Variants in CABLES1 observed in about 807,000 individuals in gnomAD.
CABLES1 encodes the protein CDK5 and ABL1 enzyme substrate 1.
A neutral mutation model predicts 57.8 loss-of-function variants in CABLES1; 36 were observed. That is an observed-to-expected ratio of 0.62 (90% CI 0.48 to 0.82). The LOEUF (loss-of-function observed/expected upper bound fraction) is 0.82. Among genes scored for constraint, CABLES1 ranks in the 40% least tolerant of loss-of-function variants. The pLI, the probability that CABLES1 is intolerant of heterozygous loss-of-function variation, is 0.00. For synonymous variants in CABLES1, 374 were observed against 363.0 expected, an observed-to-expected ratio of 1.03 and a Z score of -0.35; for missense variants, 767 against 836.6, an observed-to-expected ratio of 0.92 and a Z score of 1.03.
In CABLES1 at chr18:23,156,156, CTCCATGGAGGG is replaced by C. The variant is rs1030782083; in HGVS notation, c.845+19553_845+19563del. On this transcript the variant is annotated intron_variant, in intron 1 of 9. Transcript: ENST00000256925. ...GAGGTCATCTGGAACAGAGGGGGGGCTCCATGGAGGGTCCTCCAGCCCCCAAGACCAGCCTT... is the reference window on the plus strand; with the variant it reads ...GAGGTCATCTGGAACAGAGGGGGGGCTCCTCCAGCCCCCAAGACCAGCCTT... Among the ~76,000 whole-genome samples the C allele has an allele frequency of 1.2e-3, 182 of 152,258 alleles. 1 individual carries two copies. Among genetic ancestry groups the C allele is most frequent in the African/African-American group, 4.3e-3 (178 of 41,532 alleles).
intron 3 of CABLES1, 76 bp downstream of exon 3, chr18:23,194,616 G>A: frequency 1.0e-6 from 1 of 964,514 alleles, no homozygotes; most frequent in Non-Finnish European, 1.7e-6. Flanking sequence ...CAGTTTTAGT[G>A]GCCAAAACTC....
At chr18:23,182,724 A>G (rs1179955732) in intron 1 of CABLES1, among the ~76,000 whole-genome samples, 1 of 152,238 alleles carries the variant, frequency 6.6e-6, no homozygotes, top group Non-Finnish European at 1.5e-5. Context: ...CTCTCGGGCC[A>G]GAGCTTTCCC....
chr18:23,162,913 G>A lies in CABLES1; in HGVS notation c.846-25925G>A, dbSNP rs940698033. 4.6e-5 allele frequency among the ~76,000 whole-genome samples: 7 copies of A among 152,222 alleles called. No homozygotes were observed. In the South Asian group the frequency reaches 1.2e-3, roughly 27 times the overall value. On this transcript the variant is annotated intron_variant, in intron 1 of 9. Transcript: ENST00000256925. ...TTTGTATTTCGTAGTTCAATGAGAA[G>A]ATAGTGGGTTTGAGGGACAGAGCAA...
chr18:23,185,875 T>A (rs2047198908), intron 1 of CABLES1, among the ~76,000 whole-genome samples: 1 of 152,222 alleles, frequency 6.6e-6, no homozygotes, highest in East Asian at 1.9e-4. Flanking sequence ...ATGAGTGTTT[T>A]ACTTTGGATT....
At chr18:23,240,369 C>T (rs2047705464) in intron 7 of CABLES1, among the ~76,000 whole-genome samples, 1 of 152,140 alleles carries the variant, frequency 6.6e-6, no homozygotes, top group South Asian at 2.1e-4. Flanking sequence ...TACACACACA[C>T]AGGCAGGAGG....
chr18:23,153,791 G>A (rs951600214), intron 1 of CABLES1, among the ~76,000 whole-genome samples: 3 of 152,122 alleles, frequency 2.0e-5, no homozygotes, highest in Admixed American at 2.0e-4. Context: ...AACACTTTGA[G>A]AGGCTGAGGC....
intron 1 of CABLES1, among the ~76,000 whole-genome samples, chr18:23,181,607 A>G (rs2047167798): frequency 6.6e-6 from 1 of 150,784 alleles, no homozygotes; most frequent in African/African-American, 2.4e-5. Context: ...AAAGTCCAGG[A>G]ATACCCACCT....
chr18:23,219,353 G>A (rs767893978), intron 4 of CABLES1: 6 of 453,900 alleles, frequency 1.3e-5, no homozygotes, highest in Non-Finnish European at 1.8e-5. Context: ...AGAGGAAGGA[G>A]TTGGGTGAAT....
chr18:23,250,433 A>G (rs144891289), intron 7 of CABLES1, among the ~76,000 whole-genome samples: 2,006 of 152,312 alleles, frequency 0.013, 36 homozygotes, highest in African/African-American at 0.044. Flanking sequence ...TGAGGCGAGC[A>G]TGTTAGATGT....
At chr18:23,149,750 A>T (rs7244464) in intron 1 of CABLES1, 1 of 152,100 alleles carries the variant, frequency 6.6e-6, no homozygotes, top group Non-Finnish European at 1.5e-5. Flanking sequence ...CCACTGGGTC[A>T]GAAGCTCTGG....
intron 1 of CABLES1, among the ~76,000 whole-genome samples, chr18:23,187,273 A>G (rs1432932828): frequency 2.0e-5 from 3 of 152,230 alleles, no homozygotes; most frequent in Non-Finnish European, 4.4e-5. Context: ...AAAGTCCGGT[A>G]TGTCATGAAC....
At chr18:23,157,786 G>A (rs2046975497) in intron 1 of CABLES1, among the ~76,000 whole-genome samples, 1 of 151,892 alleles carries the variant, frequency 6.6e-6, no homozygotes, top group Admixed American at 6.5e-5. Flanking sequence ...GAGGATCACT[G>A]TACTCCAACC....
At chr18:23,136,884 T>C (rs184899180) in intron 1 of CABLES1, among the ~76,000 whole-genome samples, 1 of 152,290 alleles carries the variant, frequency 6.6e-6, no homozygotes, top group East Asian at 1.9e-4. Context: ...AGGAGCCCAG[T>C]AGAAAGCGGC....
At chr18:23,248,638 A>G (rs937764346) in intron 7 of CABLES1, among the ~76,000 whole-genome samples, 1 of 148,898 alleles carries the variant, frequency 6.7e-6, no homozygotes, top group African/African-American at 2.5e-5. Flanking sequence ...GACCAGCCTG[A>G]CCAACATGGT....
intron 1 of CABLES1, among the ~76,000 whole-genome samples, chr18:23,150,851 C>T (rs1477128225): frequency 6.6e-6 from 1 of 151,074 alleles, no homozygotes; most frequent in Non-Finnish European, 1.5e-5. Context: ...TCCTGAGATG[C>T]CGATGCACTT....
intron 1 of CABLES1, among the ~76,000 whole-genome samples, chr18:23,150,994 GA>G (rs2046925895): frequency 6.6e-6 from 1 of 150,970 alleles, no homozygotes; most frequent in African/African-American, 2.4e-5. Flanking sequence ...AGCCGCTGGG[GA>G]GCACAGTGCC....
At position 23,194,401 on chromosome 18, in the gene CABLES1, G is replaced by C. The variant is rs371311785; in HGVS notation, c.918-47G>C. On this transcript the variant is annotated intron_variant, in intron 2 of 9. Coordinates refer to ENST00000256925, the MANE Select transcript of CABLES1 (RefSeq NM_001100619.3). ...GTCTTTATGTGGAGACGTCTCAGCTGTCCAGCAGGCAACTGACTGTGTTTT... is the reference window on the plus strand; with the variant it reads ...GTCTTTATGTGGAGACGTCTCAGCTCTCCAGCAGGCAACTGACTGTGTTTT... 7.3e-6 allele frequency: 9 copies of C among 1,229,200 alleles called. No individual in the cohort carries two copies. In the African/African-American group the frequency reaches 1.0e-4, roughly 14 times the overall value. The allele number at this position is 1,229,200 out of a possible 1,614,324, so 76.1% of individuals were successfully genotyped here.
intron 1 of CABLES1, among the ~76,000 whole-genome samples, chr18:23,175,815 T>G (rs1821960166): frequency 6.6e-6 from 1 of 152,196 alleles, no homozygotes; most frequent in Non-Finnish European, 1.5e-5. Context: ...CCTGCTATAC[T>G]TAAGGATTTA....
chr18:23,241,780 T>C (rs942405988), intron 7 of CABLES1, among the ~76,000 whole-genome samples: 1 of 152,156 alleles, frequency 6.6e-6, no homozygotes, highest in Non-Finnish European at 1.5e-5. Flanking sequence ...CTAAGTGTAA[T>C]ATAAAAAGGC....
Sources: gnomAD v4.1 joint callset for allele counts (sites outside exome capture counted in the v4.1 genomes callset) on GRCh38, gnomAD v4.1.1 for gene constraint, MANE v1.5 for transcripts, NCBI Gene and HGNC (gene_info 2026-07-23, HGNC 2026-07-21) for gene names.